The following CKAP2L variants were observed in gnomAD, a reference collection of about 807,000 sequenced individuals.
CKAP2L encodes cytoskeleton associated protein 2L, also known as cytoskeleton-associated protein 2-like.
CKAP2L carries 42 observed loss-of-function variants against 65.7 expected under a neutral mutation model. The ratio of observed to expected loss-of-function variants is 0.64; its 90% CI spans 0.50 to 0.83. The LOEUF is 0.83. Ranked by LOEUF, CKAP2L falls within the 40% of genes least tolerant of loss-of-function variation. CKAP2L has a pLI of 0.00. For missense variants in CKAP2L, 908 were observed against 871.0 expected, an observed-to-expected ratio of 1.04 and a Z score of -0.53; for synonymous variants, 325 against 313.5, an observed-to-expected ratio of 1.04 and a Z score of -0.39.
At chr2:112,754,837 T>C (rs1042559684) in intron 4 of CKAP2L, among the ~76,000 whole-genome samples, 1 of 152,184 alleles carries the variant, frequency 6.6e-6, no homozygotes. Context: ...TGCACTCACT[T>C]CTCTTTCTGC....
intron 8 of CKAP2L, among the ~76,000 whole-genome samples, chr2:112,740,031 T>C (rs961900876): frequency 3.3e-5 from 5 of 152,230 alleles, no homozygotes; most frequent in East Asian, 1.9e-4. Context: ...CTTGGCAGAC[T>C]TGCCTGCTAG....
rs1231223371 is a variant in CKAP2L at position 112,752,209 on chromosome 2, T to C, written c.1602+58A>G. On this transcript the variant is annotated intron_variant, in intron 5 of 8. Coordinates refer to ENST00000302450, the MANE Select transcript of CKAP2L (RefSeq NM_152515.5). ...CTCTCCTATATTATATTTAGGAATATGTTTAAAAATTATAAGACTTTGGGC... is the reference window on the plus strand; with the variant it reads ...CTCTCCTATATTATATTTAGGAATACGTTTAAAAATTATAAGACTTTGGGC... 8 of 1,219,438 alleles carry C rather than the reference T, an allele frequency of 6.6e-6. No homozygotes were observed. The South Asian group carries it at 7.9e-5, about 12-fold the overall frequency. The allele number at this position is 1,219,438 out of a possible 1,614,324, so 75.5% of individuals were successfully genotyped here. A position where few individuals can be genotyped will look rare whatever the true frequency, so the allele number is the denominator to read the frequency against.
intron 5 of CKAP2L, among the ~76,000 whole-genome samples, chr2:112,747,720 C>A (rs186177085): frequency 8.7e-4 from 133 of 152,170 alleles, no homozygotes; most frequent in African/African-American, 3.0e-3. Flanking sequence ...ATGGGGGAGA[C>A]GCAAAGGTAA....
chr2:112,762,262 C>G (rs1404733100), intron 2 of CKAP2L, among the ~76,000 whole-genome samples: 2 of 152,140 alleles, frequency 1.3e-5, no homozygotes, highest in African/African-American at 4.8e-5. Context: ...TAATACTGAC[C>G]CTTCTTCCCT....
Position 112,756,388 on chromosome 2 carries a change from ACT to A in CKAP2L, c.981_982del (p.Arg327SerfsTer16), listed in dbSNP as rs1680536005. On this transcript the variant is annotated frameshift_variant, in exon 4 of 9. Coordinates refer to ENST00000302450, the MANE Select transcript of CKAP2L (RefSeq NM_152515.5). LOFTEE classifies it high-confidence loss of function. ...GTATGTTCTGGGTTTGGTGTGCTTC[ACT>A]CTCTGTTCAGTAACAGGGTATGACC... 5.0e-6 allele frequency: 8 copies of A among 1,613,648 alleles called. No individual in the cohort carries two copies. Among genetic ancestry groups the A allele is most frequent in the Non-Finnish European group, 6.8e-6 (8 of 1,179,884 alleles).
intron 5 of CKAP2L, among the ~76,000 whole-genome samples, chr2:112,747,621 G>C (rs1680241825): frequency 6.6e-6 from 1 of 151,470 alleles, no homozygotes; most frequent in South Asian, 2.1e-4. Flanking sequence ...GCAGGACAGT[G>C]ACATGGACCC....
chr2:112,737,652 T>C lies in CKAP2L; in HGVS notation c.*1171A>G, dbSNP rs1335261676. ...AGGTTTATAGCTCAGTTTTTTGAGC[T>C]TTATTATAAATCTGACTTTCAGAAA... On this transcript the variant is annotated 3_prime_UTR_variant, in exon 9 of 9. Coordinates refer to ENST00000302450, the MANE Select transcript of CKAP2L (RefSeq NM_152515.5). 2 of 152,166 alleles carry C rather than the reference T, an allele frequency of 1.3e-5. No individual in the cohort carries two copies. Among genetic ancestry groups the C allele is most frequent in the Non-Finnish European group, 2.9e-5 (2 of 68,026 alleles). The allele number at this position is 152,166 out of a possible 1,614,324, so 9.4% of individuals were successfully genotyped here. A position where few individuals can be genotyped will look rare whatever the true frequency, so the allele number is the denominator to read the frequency against.
At chr2:112,752,122 T>C (rs1374518690) in intron 5 of CKAP2L, 145 bp downstream of exon 5, 1 of 618,118 alleles carries the variant, frequency 1.6e-6, no homozygotes, top group Non-Finnish European at 2.8e-6. Flanking sequence ...TATGGGCATG[T>C]CATTATTATT....
intron 6 of CKAP2L, chr2:112,742,998 AT>A: frequency 4.0e-6 from 2 of 502,424 alleles, no homozygotes; most frequent in Non-Finnish European, 7.0e-6. Flanking sequence ...GAACAGATGT[AT>A]TTAAAGTTGT....
At position 112,746,445 on chromosome 2, in the gene CKAP2L, T is replaced by C. The variant is rs1246215426; in HGVS notation, c.1733A>G (p.Glu578Gly). The change falls in exon 6 of 9, where the codon GAA (glutamate) becomes GGA (glycine). Residue 578 changes from glutamate to glycine, a missense_variant. Physicochemically the swap from Glu to Gly is moderately conservative, Grantham distance 98. Coordinates refer to ENST00000302450, the MANE Select transcript of CKAP2L (RefSeq NM_152515.5). ...KGTFDVIGLY[E>G]EAIKNGATPI... ...TGTTGCCCCATTTTTAATGGCCTCTTCATATAGCCCAATAACATCAAAGGT... is the reference window on the plus strand; with the variant it reads ...TGTTGCCCCATTTTTAATGGCCTCTCCATATAGCCCAATAACATCAAAGGT... 2 of 1,612,172 alleles carry C rather than the reference T, an allele frequency of 1.2e-6. No homozygotes were observed. Among genetic ancestry groups the C allele is most frequent in the Non-Finnish European group, 1.7e-6 (2 of 1,178,638 alleles).
intron 1 of CKAP2L, 73 bp downstream of exon 1, chr2:112,764,489 T>C: frequency 6.5e-7 from 1 of 1,527,338 alleles, no homozygotes; most frequent in Non-Finnish European, 9.1e-7. Flanking sequence ...CGGGACGAAC[T>C]CACTCGGTGG....
chr2:112,762,453 A>G (rs1410329193), intron 2 of CKAP2L, 50 bp downstream of exon 2: 1 of 1,362,560 alleles, frequency 7.3e-7, no homozygotes, highest in African/African-American at 1.4e-5. Context: ...TTAAATTGCT[A>G]GTACAAAGAA....
At chr2:112,743,369 C>T (rs1680088930) in intron 6 of CKAP2L, among the ~76,000 whole-genome samples, 1 of 152,040 alleles carries the variant, frequency 6.6e-6, no homozygotes, top group Non-Finnish European at 1.5e-5. Context: ...GTCTCGATCT[C>T]CTGACATCGT....
At chr2:112,751,568 A>T (rs763061849) in intron 5 of CKAP2L, among the ~76,000 whole-genome samples, 2 of 152,256 alleles carry the variant, frequency 1.3e-5, no homozygotes, top group Non-Finnish European at 2.9e-5. Context: ...GTTCAATTCC[A>T]CAAGGAGAAA....
chr2:112,755,948 T>C, intron 4 of CKAP2L, 29 bp downstream of exon 4: 1 of 1,523,624 alleles, frequency 6.6e-7, no homozygotes, highest in Non-Finnish European at 8.8e-7. Context: ...CATCTTAAGT[T>C]GCAAAAGCTT....
rs1679574235 is a variant in CKAP2L, at chr2:112,738,703, T to C, written c.*120A>G. 1 of 664,538 alleles carries C rather than the reference T, an allele frequency of 1.5e-6. No individual in the cohort carries two copies. Among genetic ancestry groups the C allele is most frequent in the Non-Finnish European group, 2.6e-6 (1 of 380,908 alleles). The allele number at this position is 664,538 out of a possible 1,614,324, so 41.2% of individuals were successfully genotyped here. On this transcript the variant is annotated 3_prime_UTR_variant, in exon 9 of 9. Coordinates refer to ENST00000302450, the MANE Select transcript of CKAP2L (RefSeq NM_152515.5). ...GAGTAAGCCCAGTGAATTACTTAAG[T>C]CCTGAGCGTCCATAATCTGCATCCA...
Position 112,752,294 on chromosome 2 carries a change from CAG to C in CKAP2L, c.1573_1574del (p.Leu525AspfsTer14), listed in dbSNP as rs761365019. 5 of 1,613,894 alleles carry C rather than the reference CAG, an allele frequency of 3.1e-6. No homozygotes were observed. The highest frequency in any genetic ancestry group is 3.3e-5 in the Admixed American group (2 of 60,006). Reference sequence around the variant, plus strand: ...CTTCGATGAGGTTCAGACATTCTGTCAGAGTGTTGTTAATTTTACTGGACAGT... The same window carrying C: ...CTTCGATGAGGTTCAGACATTCTGTCAGTGTTGTTAATTTTACTGGACAGT... ...LELSSKINNT[L>X]TECLNLIEGG... On this transcript the variant is annotated frameshift_variant, in exon 5 of 9. Coordinates refer to ENST00000302450, the MANE Select transcript of CKAP2L (RefSeq NM_152515.5). LOFTEE classifies it high-confidence loss of function.
At chr2:112,746,661 C>A in intron 5 of CKAP2L, 86 bp from the exon 6 acceptor site, 1 of 1,042,558 alleles carries the variant, frequency 9.6e-7, no homozygotes, top group Middle Eastern at 2.5e-4. Context: ...AGCAGGTATG[C>A]AGAAATTGGT....
At chr2:112,761,101 C>T (rs1283065818) in intron 2 of CKAP2L, among the ~76,000 whole-genome samples, 1 of 151,976 alleles carries the variant, frequency 6.6e-6, no homozygotes, top group African/African-American at 2.4e-5. Flanking sequence ...ACACATCATT[C>T]CTGGAGCACT....
Sources: allele counts gnomAD v4.1 joint callset (sites outside exome capture counted in the v4.1 genomes callset), GRCh38; gene constraint gnomAD v4.1.1; transcripts MANE v1.5; gene names NCBI Gene and HGNC (gene_info 2026-07-23, HGNC 2026-07-21).